CADPS2: variants seen among roughly 807,000 people sequenced by gnomAD.
The protein encoded by CADPS2 is calcium-dependent secretion activator 2.
Under a neutral mutation model 172.5 loss-of-function variants are expected in CADPS2, and 93 were observed. That is an observed-to-expected ratio of 0.54 (90% CI 0.46 to 0.64). The LOEUF is 0.64. Ranked by LOEUF, CADPS2 falls within the 30% of genes least tolerant of loss-of-function variation. The probability of loss-of-function intolerance (pLI) is 0.00; values close to 1 mark genes in which losing one functional copy is unlikely to be tolerated. For synonymous variants in CADPS2, 546 were observed against 555.2 expected, an observed-to-expected ratio of 0.98 and a Z score of 0.23; for missense variants, 1,420 against 1,565.9, an observed-to-expected ratio of 0.91 and a Z score of 1.57.
At chr7:122,527,830 T>C (rs938908852) in intron 8 of CADPS2, among the ~76,000 whole-genome samples, 2 of 151,780 alleles carry the variant, frequency 1.3e-5, no homozygotes, top group African/African-American at 2.4e-5. Flanking sequence ...ATCCCTTACA[T>C]GGAAGCAAGT....
chr7:122,438,315 C>T, intron 17 of CADPS2, 26 bp downstream of exon 17: 1 of 1,612,044 alleles, frequency 6.2e-7, no homozygotes, highest in African/African-American at 1.3e-5. Flanking sequence ...CTCACTGCCA[C>T]TTCGACAATT....
At chr7:122,782,805 T>A (rs1026678716) in intron 1 of CADPS2, among the ~76,000 whole-genome samples, 1 of 152,208 alleles carries the variant, frequency 6.6e-6, no homozygotes, top group Non-Finnish European at 1.5e-5. Context: ...TTAGCTGATA[T>A]GTTGTTTGGT....
At chr7:122,490,029 ATCTTAT>A in intron 11 of CADPS2, 46 bp downstream of exon 11, 1 of 1,492,762 alleles carries the variant, frequency 6.7e-7, no homozygotes, top group Non-Finnish European at 9.3e-7. Flanking sequence ...TCAATTTTAT[ATCTTAT>A]TAAGGCTATT....
intron 1 of CADPS2, among the ~76,000 whole-genome samples, chr7:122,774,267 T>TACACACAC (rs1204089273): frequency 1.7e-5 from 2 of 119,498 alleles, no homozygotes; most frequent in East Asian, 2.3e-4. Flanking sequence ...CATAGATAGA[T>TACACACAC]ATACACACAC....
chr7:122,680,771 A>G (rs919775034), intron 2 of CADPS2, among the ~76,000 whole-genome samples: 3 of 152,144 alleles, frequency 2.0e-5, no homozygotes, highest in African/African-American at 7.2e-5. Context: ...CAGCCATCCC[A>G]TTACTGGGTA....
At chr7:122,451,028 G>A (rs2053023377) in intron 15 of CADPS2, among the ~76,000 whole-genome samples, 2 of 152,202 alleles carry the variant, frequency 1.3e-5, no homozygotes, top group South Asian at 2.1e-4. Flanking sequence ...CCACTGTGGA[G>A]GTGAGACTTG....
chr7:122,492,643 T>C (rs761212353), intron 9 of CADPS2, among the ~76,000 whole-genome samples: 1 of 152,146 alleles, frequency 6.6e-6, no homozygotes, highest in African/African-American at 2.4e-5. Flanking sequence ...TACATCTAAA[T>C]TGCAAAATAT....
At chr7:122,701,927 G>A in intron 2 of CADPS2, 1 of 1,613,576 alleles carries the variant, frequency 6.2e-7, no homozygotes, top group Non-Finnish European at 8.5e-7. Flanking sequence ...ATGTTTGCAA[G>A]TTAAAATGCG....
intron 28 of CADPS2, among the ~76,000 whole-genome samples, chr7:122,334,993 A>G (rs1051377736): frequency 3.9e-5 from 6 of 152,202 alleles, no homozygotes; most frequent in Admixed American, 1.3e-4. Flanking sequence ...AATAATTAAT[A>G]AGAGGGGTTT....
At chr7:122,504,871 A>G (rs1364785873) in intron 9 of CADPS2, among the ~76,000 whole-genome samples, 1 of 152,182 alleles carries the variant, frequency 6.6e-6, no homozygotes, top group Non-Finnish European at 1.5e-5. Context: ...GTCCGTTTTC[A>G]CAACTTTTAT....
chr7:122,677,451 G>T (rs1009614659), intron 2 of CADPS2, among the ~76,000 whole-genome samples: 1 of 152,184 alleles, frequency 6.6e-6, no homozygotes. Context: ...TGAGGAGGAC[G>T]GGTGGGCTTT....
chr7:122,843,255 A>G (rs1388248676), intron 1 of CADPS2, among the ~76,000 whole-genome samples: 1 of 151,984 alleles, frequency 6.6e-6, no homozygotes, highest in African/African-American at 2.4e-5. Flanking sequence ...TGGCTTTCCT[A>G]ATGTAATCAC....
At chr7:122,527,617 A>AGAGAGAGAGTGTGTGTGTGT in intron 8 of CADPS2, among the ~76,000 whole-genome samples, 11 of 83,878 alleles carry the variant, frequency 1.3e-4, no homozygotes, top group Non-Finnish European at 2.6e-4. Flanking sequence ...AGAGAGAGAG[A>AGAGAGAGAGTGTGTGTGTGT]GTGTGTGTGT....
chr7:122,576,130 CTTTTT>C lies in CADPS2; in HGVS notation c.1335+5044_1335+5048del, dbSNP rs550935563. On this transcript the variant is annotated intron_variant, in intron 7 of 29. Transcript: ENST00000449022. ...TGATTTGTGACAGTTTCTCACTTTT[CTTTTT>C]TATGACCTTGACAGTCTGGAAGAGT... 1.2e-3 allele frequency among the ~76,000 whole-genome samples: 181 copies of C among 152,190 alleles called. 1 individual carries two copies. The Middle Eastern group carries it at 0.014, about 11-fold the overall frequency.
intron 7 of CADPS2, among the ~76,000 whole-genome samples, chr7:122,562,476 C>T (rs1360566288): frequency 1.3e-5 from 2 of 152,138 alleles, no homozygotes; most frequent in African/African-American, 4.8e-5. Context: ...TCTAGAGCAT[C>T]TAGAAAGGAA....
At chr7:122,548,590 A>T (rs1189583858) in intron 8 of CADPS2, among the ~76,000 whole-genome samples, 1 of 152,202 alleles carries the variant, frequency 6.6e-6, no homozygotes, top group Non-Finnish European at 1.5e-5. Context: ...TTATTTAATG[A>T]TTTAAGCAAG....
chr7:122,392,401 T>TA (rs1554489800), intron 22 of CADPS2, among the ~76,000 whole-genome samples: 120 of 151,522 alleles, frequency 7.9e-4, no homozygotes, highest in Middle Eastern at 3.4e-3. Flanking sequence ...TTTTTTTTTT[T>TA]AAATCATCAC....
chr7:122,432,643 T>TAAAAAAAAAAAAAA (rs57311950), intron 17 of CADPS2, among the ~76,000 whole-genome samples: 7 of 108,422 alleles, frequency 6.5e-5, no homozygotes, highest in South Asian at 3.1e-4. Context: ...TCTGTTAAAA[T>TAAAAAAAAAAAAAA]AAAAAAAAAA....
At chr7:122,776,782 G>C (rs1225524626) in intron 1 of CADPS2, among the ~76,000 whole-genome samples, 3 of 152,216 alleles carry the variant, frequency 2.0e-5, no homozygotes, top group Non-Finnish European at 2.9e-5. Flanking sequence ...ATGAGGAATA[G>C]TTGGAATTTG....
Sources: gnomAD v4.1 joint callset for allele counts (sites outside exome capture counted in the v4.1 genomes callset) on GRCh38, gnomAD v4.1.1 for gene constraint, MANE v1.5 for transcripts, NCBI Gene and HGNC (gene_info 2026-07-23, HGNC 2026-07-21) for gene names.